The following RERE variants were observed in gnomAD, a reference collection of about 807,000 sequenced individuals.
The protein encoded by RERE is arginine-glutamic acid dipeptide repeats.
RERE carries 40 observed loss-of-function variants against 146.1 expected under a neutral mutation model. The observed-to-expected ratio is 0.27, with a 90% CI of 0.21 to 0.36. The LOEUF is 0.36. Ranked by LOEUF, RERE falls within the 10% of genes least tolerant of loss-of-function variation. RERE has a pLI of 1.00. For missense variants in RERE, 1,933 were observed against 2,138.7 expected, an observed-to-expected ratio of 0.90 and a Z score of 1.90; for synonymous variants, 1,003 against 866.0, an observed-to-expected ratio of 1.16 and a Z score of -2.78.
chr1:8,717,535 T>G (rs1399232139), intron 1 of RERE, among the ~76,000 whole-genome samples: 4 of 152,184 alleles, frequency 2.6e-5, no homozygotes, highest in Non-Finnish European at 5.9e-5. Flanking sequence ...AGTGGCAAAT[T>G]AAGATGTAGA....
chr1:8,536,852 T>A (rs1178637566), intron 7 of RERE, among the ~76,000 whole-genome samples: 1 of 152,168 alleles, frequency 6.6e-6, no homozygotes, highest in East Asian at 1.9e-4. Context: ...CACAATCTCT[T>A]AGTAGTTTGT....
At chr1:8,715,511 T>TAAG (rs1157283607) in intron 1 of RERE, among the ~76,000 whole-genome samples, 1 of 151,592 alleles carries the variant, frequency 6.6e-6, no homozygotes, top group Non-Finnish European at 1.5e-5. Flanking sequence ...AACTCCGTCT[T>TAAG]AATAATAATA....
intron 1 of RERE, among the ~76,000 whole-genome samples, chr1:8,665,625 G>A (rs1417935042): frequency 1.3e-5 from 2 of 152,170 alleles, no homozygotes; most frequent in African/African-American, 4.8e-5. Flanking sequence ...TTAAGAGAGT[G>A]TTCAGTTAAA....
rs140086500 is a variant in RERE at position 8,581,827 on chromosome 1, G to T, written c.523-24304C>A. Among the ~76,000 whole-genome samples the T allele has an allele frequency of 2.2e-4, 34 of 152,050 alleles. No homozygotes were observed. The East Asian group carries it at 5.8e-3, about 26-fold the overall frequency. ...TACTTTGTATAGTATTACCAATATTGGAAAGCATCATTTCCTAATATTAAT... is the reference window on the plus strand; with the variant it reads ...TACTTTGTATAGTATTACCAATATTTGAAAGCATCATTTCCTAATATTAAT... On this transcript the variant is annotated intron_variant, in intron 4 of 22. Transcript: ENST00000400908.
intron 4 of RERE, among the ~76,000 whole-genome samples, chr1:8,585,957 T>C (rs1019712942): frequency 3.9e-5 from 6 of 152,178 alleles, no homozygotes; most frequent in Non-Finnish European, 7.3e-5. Context: ...CATTATACAC[T>C]TCCTGATAAA....
At chr1:8,494,302 A>G (rs2124229737) in intron 10 of RERE, among the ~76,000 whole-genome samples, 1 of 152,362 alleles carries the variant, frequency 6.6e-6, no homozygotes, top group Middle Eastern at 3.4e-3. Context: ...TGTGCTTTAA[A>G]ATAAATACAT....
Position 8,423,520 on chromosome 1 carries a change from C to A in RERE, c.1204-713G>T, listed in dbSNP as rs1643947137. ...TGTCCCATGCCTCCCGAGCACCCCT[C>A]CCCGCCCCGGTGGGGGCAGCTCCTG... On this transcript the variant is annotated intron_variant, in intron 11 of 22. Coordinates refer to ENST00000400908, the MANE Select transcript of RERE (RefSeq NM_001042681.2). This position sits in a 1 kb window ranked among gnomAD's most constrained non-coding sequence, Gnocchi z 5.4. 1.0e-6 allele frequency: 1 copy of A among 984,124 alleles called. No individual in the cohort carries two copies. Among genetic ancestry groups the A allele is most frequent in the African/African-American group, 1.7e-5 (1 of 57,222 alleles). The allele number at this position is 984,124 out of a possible 1,614,324, so 61.0% of individuals were successfully genotyped here. A position where few individuals can be genotyped will look rare whatever the true frequency, so the allele number is the denominator to read the frequency against.
intron 1 of RERE, among the ~76,000 whole-genome samples, chr1:8,739,112 A>C (rs1640259122): frequency 6.6e-6 from 1 of 152,258 alleles, no homozygotes; most frequent in South Asian, 2.1e-4. Flanking sequence ...TAACTATAAC[A>C]AAAGATTAAT....
chr1:8,416,599 A>AG (rs1310465002), intron 12 of RERE, among the ~76,000 whole-genome samples: 2 of 129,756 alleles, frequency 1.5e-5, no homozygotes, highest in African/African-American at 3.0e-5. Context: ...AAAAAAAAAA[A>AG]AAAGAAAAGA....
chr1:8,640,724 G>A (rs1421857094), intron 2 of RERE, among the ~76,000 whole-genome samples: 2 of 152,190 alleles, frequency 1.3e-5, no homozygotes, highest in Non-Finnish European at 2.9e-5. Flanking sequence ...ACTTGGTAAA[G>A]TGACTAGAAA....
chr1:8,811,927 A>C (rs1641819957), intron 1 of RERE, among the ~76,000 whole-genome samples: 1 of 152,218 alleles, frequency 6.6e-6, no homozygotes, highest in Non-Finnish European at 1.5e-5. Flanking sequence ...CCTCCTGCTG[A>C]GGAGGCAACA....
intron 11 of RERE, among the ~76,000 whole-genome samples, chr1:8,444,045 G>A (rs1426604740): frequency 6.6e-6 from 1 of 152,252 alleles, no homozygotes; most frequent in African/African-American, 2.4e-5. Flanking sequence ...GGAGCTGTGG[G>A]AAGGGGCCAT....
intron 11 of RERE, among the ~76,000 whole-genome samples, chr1:8,431,169 T>C (rs1644090671): frequency 6.6e-6 from 1 of 152,230 alleles, no homozygotes; most frequent in African/African-American, 2.4e-5. Context: ...TGTTAGGAAC[T>C]GGGCCACAAA....
chr1:8,363,922 G>C (rs1250639447), intron 15 of RERE, 134 bp downstream of exon 15: 1 of 809,610 alleles, frequency 1.2e-6, no homozygotes, highest in East Asian at 2.7e-5. Context: ...TACCGCCTCG[G>C]GCAAAGCAGC....
At chr1:8,708,740 G>A (rs79440544) in intron 1 of RERE, among the ~76,000 whole-genome samples, 1,767 of 152,108 alleles carry the variant, frequency 0.012, 25 homozygotes, top group Non-Finnish European at 0.02. Flanking sequence ...CCCCAGCCAC[G>A]TGGAACTGTG....
intron 1 of RERE, among the ~76,000 whole-genome samples, chr1:8,663,231 C>G (rs1404585510): frequency 2.6e-5 from 4 of 152,136 alleles, no homozygotes; most frequent in African/African-American, 9.7e-5. Context: ...ATCTGCCCCT[C>G]CCTCCTGAGT....
chr1:8,608,023 G>A (rs192039169), intron 4 of RERE, among the ~76,000 whole-genome samples: 60 of 152,188 alleles, frequency 3.9e-4, no homozygotes, highest in Middle Eastern at 6.8e-3. Flanking sequence ...ACCACACCCA[G>A]CCTAACGTTT....
intron 1 of RERE, among the ~76,000 whole-genome samples, chr1:8,736,443 G>A (rs1640199160): frequency 6.6e-6 from 1 of 152,046 alleles, no homozygotes; most frequent in Non-Finnish European, 1.5e-5. Flanking sequence ...TCCTGACCTC[G>A]TGATCCACCC....
At chr1:8,776,730 C>T (rs1641070098) in intron 1 of RERE, among the ~76,000 whole-genome samples, 1 of 151,810 alleles carries the variant, frequency 6.6e-6, no homozygotes, top group African/African-American at 2.4e-5. Context: ...ATTTTATTAT[C>T]TTTTTTTTGA....
Sources: gnomAD v4.1 joint callset for allele counts (sites outside exome capture counted in the v4.1 genomes callset) on GRCh38, gnomAD v4.1.1 for gene constraint, Gnocchi (gnomAD v3.1) non-coding constraint, MANE v1.5 for transcripts, NCBI Gene and HGNC (gene_info 2026-07-23, HGNC 2026-07-21) for gene names.